IFT52: variants seen among roughly 807,000 people sequenced by gnomAD.
IFT52 encodes the protein intraflagellar transport protein 52 homolog.
In IFT52, 44 loss-of-function variants were observed where a neutral mutation model predicts 54.4. The observed-to-expected ratio is 0.81, with a 90% CI of 0.63 to 1.04. IFT52 has a LOEUF of 1.04. Among genes scored for constraint, IFT52 ranks in the 50% least tolerant of loss-of-function variants. The pLI is 0.00. For synonymous variants in IFT52, 181 were observed against 185.3 expected, an observed-to-expected ratio of 0.98 and a Z score of 0.19; for missense variants, 452 against 523.6, an observed-to-expected ratio of 0.86 and a Z score of 1.33.
In IFT52 at chr20:43,634,640, G is replaced by GT. The variant is rs376453972; in HGVS notation, c.924-1274dup. On this transcript the variant is annotated intron_variant, in intron 10 of 13. Coordinates refer to ENST00000373030, the MANE Select transcript of IFT52 (RefSeq NM_016004.5). ...TAACATTGATATTATTTTATGAGGTGTTTTTTTTTTTTAACTTTTAAGTTC... is the reference window on the plus strand; with the variant it reads ...TAACATTGATATTATTTTATGAGGTGTTTTTTTTTTTTTAACTTTTAAGTTC... Among the ~76,000 whole-genome samples, 1,202 of 143,718 alleles carry GT rather than the reference G, an allele frequency of 8.4e-3. 13 individuals carry two copies. The highest frequency in any genetic ancestry group is 0.028 in the African/African-American group (1,074 of 39,020). The allele number at this position is 143,718 out of a possible 152,430, so 94.3% of individuals were successfully genotyped here. A position where few individuals can be genotyped will look rare whatever the true frequency, so the allele number is the denominator to read the frequency against.
chr20:43,606,526 G>A lies in IFT52; in HGVS notation c.485+1453G>A, dbSNP rs1405273923. On this transcript the variant is annotated intron_variant, in intron 6 of 13. Coordinates refer to ENST00000373030, the MANE Select transcript of IFT52 (RefSeq NM_016004.5). ...TGACCTCAGGTGATCCACCTGCCTC[G>A]GCCTCCCAAAGTGCTGGGATAAGTG... Among the ~76,000 whole-genome samples, 3 of 151,656 alleles carry A rather than the reference G, an allele frequency of 2.0e-5. No individual in the cohort carries two copies. In the East Asian group the frequency reaches 5.8e-4, roughly 29 times the overall value.
chr20:43,597,607 A>G (rs1982079381), intron 3 of IFT52, among the ~76,000 whole-genome samples: 1 of 152,138 alleles, frequency 6.6e-6, no homozygotes, highest in African/African-American at 2.4e-5. Flanking sequence ...AAATTGCCAT[A>G]TGATGGCTGT....
In IFT52 at chr20:43,613,551, G is replaced by A. The variant is rs867855085; in HGVS notation, c.486-299G>A. ...AATCCCAGCACTTTGGGAGGCCAAG[G>A]TGGGCAGATCACTTGAGGCCAGGAG... On this transcript the variant is annotated intron_variant, in intron 6 of 13. Coordinates refer to ENST00000373030, the MANE Select transcript of IFT52 (RefSeq NM_016004.5). Among the ~76,000 whole-genome samples, 6 of 152,218 alleles carry A rather than the reference G, an allele frequency of 3.9e-5. No homozygotes were observed. In the South Asian group the frequency reaches 6.2e-4, roughly 16 times the overall value.
chr20:43,615,633 G>A (rs917639301), intron 7 of IFT52, among the ~76,000 whole-genome samples: 51 of 151,150 alleles, frequency 3.4e-4, no homozygotes, highest in African/African-American at 1.1e-3. Context: ...ATGAAACCCC[G>A]TCTCTACTAA....
chr20:43,626,206 C>T lies in IFT52; in HGVS notation c.923+2161C>T, dbSNP rs147219722. 8.0e-3 allele frequency among the ~76,000 whole-genome samples: 1,209 copies of T among 150,844 alleles called. 7 individuals carry two copies. The highest frequency in any genetic ancestry group is 0.013 in the Non-Finnish European group (859 of 67,848). ...GGTCAGAAGAGATCTCTGAGCTGCACATTTAATTTGGGAGTTTGGGGGCAC... is the reference window on the plus strand; with the variant it reads ...GGTCAGAAGAGATCTCTGAGCTGCATATTTAATTTGGGAGTTTGGGGGCAC... On this transcript the variant is annotated intron_variant, in intron 10 of 13. Transcript: ENST00000373030.
intron 11 of IFT52, among the ~76,000 whole-genome samples, chr20:43,636,883 C>G (rs1985571983): frequency 6.6e-6 from 1 of 152,100 alleles, no homozygotes; most frequent in Non-Finnish European, 1.5e-5. Flanking sequence ...AATAATCTTT[C>G]TTGGTATGGG....
intron 6 of IFT52, among the ~76,000 whole-genome samples, chr20:43,605,557 T>C (rs1982798581): frequency 1.3e-5 from 2 of 152,062 alleles, no homozygotes; most frequent in Non-Finnish European, 2.9e-5. Context: ...AAAAAATATA[T>C]AGTATGGTAT....
chr20:43,633,283 C>T (rs200672579), intron 10 of IFT52, among the ~76,000 whole-genome samples: 85 of 151,858 alleles, frequency 5.6e-4, no homozygotes, highest in Admixed American at 3.1e-3. Flanking sequence ...GCGGAGGTTG[C>T]GGTGAGCCGA....
intron 8 of IFT52, 22 bp from the exon 9 acceptor site, chr20:43,620,835 T>C (rs1984238143): frequency 1.3e-6 from 2 of 1,508,674 alleles, no homozygotes; most frequent in Non-Finnish European, 1.8e-6. Context: ...GTCCTAATTA[T>C]ATACTTTTTT....
In IFT52 at chr20:43,642,610, A is replaced by G; in HGVS notation, c.1252A>G (p.Lys418Glu). The change falls in exon 13 of 14, where the codon AAG (lysine) becomes GAG (glutamate). Residue 418 changes from lysine (K) to glutamate (E), a missense_variant. Transcript: ENST00000373030. ...EHVFFQVVEF[K>E]KLNQEHDIDT... ...CGTCTTCTTCCAAGTGGTGGAGTTC[A>G]AGAAATTGAACCAGGTACAGAGCCT... is the stretch of plus-strand genomic sequence containing the variant. The G allele has an allele frequency of 6.2e-7, 1 of 1,614,138 alleles. No homozygotes were observed. The highest frequency in any genetic ancestry group is 8.5e-7 in the Non-Finnish European group (1 of 1,179,990).
chr20:43,606,999 A>G (rs1037234761), intron 6 of IFT52, among the ~76,000 whole-genome samples: 3 of 152,228 alleles, frequency 2.0e-5, no homozygotes, highest in South Asian at 2.1e-4. Flanking sequence ...ACACAGACAC[A>G]GCAACCATCC....
intron 6 of IFT52, among the ~76,000 whole-genome samples, chr20:43,611,360 CTT>C (rs1983431042): frequency 6.7e-6 from 1 of 149,188 alleles, no homozygotes; most frequent in South Asian, 2.1e-4. Context: ...CTGAGCTAAT[CTT>C]ATTCATTCAC....
chr20:43,626,253 T>C (rs1171553050), intron 10 of IFT52, among the ~76,000 whole-genome samples: 1 of 151,560 alleles, frequency 6.6e-6, no homozygotes, highest in Non-Finnish European at 1.5e-5. Context: ...ATCTAAAGCA[T>C]ACATCTTTTC....
intron 6 of IFT52, among the ~76,000 whole-genome samples, chr20:43,611,441 CTTTTTTTTTTTTTTT>C (rs11469500): frequency 9.1e-5 from 5 of 55,078 alleles, no homozygotes; most frequent in Non-Finnish European, 1.2e-4. Flanking sequence ...AAATGTCAGT[CTTTTTTTTTTTTTTT>C]TTTTTTTTTT....
At position 43,637,270 on chromosome 20, in the gene IFT52, T is replaced by G; in HGVS notation, c.1120+17T>G. 7.1e-7 allele frequency: 1 copy of G among 1,404,572 alleles called. No individual in the cohort carries two copies. The highest frequency in any genetic ancestry group is 1.4e-5 in the South Asian group (1 of 73,282). 87.0% of individuals were successfully genotyped at this position (1,404,572 alleles called of 1,614,324 possible). A position where few individuals can be genotyped will look rare whatever the true frequency, so the allele number is the denominator to read the frequency against. On this transcript the variant is annotated intron_variant, in intron 12 of 13. Coordinates refer to ENST00000373030, the MANE Select transcript of IFT52 (RefSeq NM_016004.5). ...CCAATAAGTGTAAGTTTGGCGAACT[T>G]TTTTTTTTTGAGACAGAGTTTCACT... is the stretch of plus-strand genomic sequence containing the variant.
At chr20:43,591,222 C>T (rs1467994652) in intron 1 of IFT52, among the ~76,000 whole-genome samples, 168 bp downstream of exon 1, 1 of 152,214 alleles carries the variant, frequency 6.6e-6, no homozygotes, top group Non-Finnish European at 1.5e-5. Flanking sequence ...CCTGGCGCCC[C>T]GGCTGGGCGC....
intron 11 of IFT52, 107 bp downstream of exon 11, chr20:43,636,120 T>A (rs1985524528): frequency 1.0e-6 from 1 of 990,894 alleles, no homozygotes; most frequent in Non-Finnish European, 1.6e-6. Flanking sequence ...GTGGCACTCC[T>A]TGTGGAGTCA....
At chr20:43,642,676 C>T in intron 13 of IFT52, 52 bp downstream of exon 13, 1 of 1,539,790 alleles carries the variant, frequency 6.5e-7, no homozygotes, top group Non-Finnish European at 8.9e-7. Flanking sequence ...GTACTGGTAT[C>T]TTCCATGGAC....
At chr20:43,615,541 C>T (rs1414199135) in intron 7 of IFT52, among the ~76,000 whole-genome samples, 1 of 151,874 alleles carries the variant, frequency 6.6e-6, no homozygotes, top group East Asian at 1.9e-4. Flanking sequence ...TGGTGGCTCA[C>T]ACCTGCAATC....
Sources: gnomAD v4.1 joint callset for allele counts (sites outside exome capture counted in the v4.1 genomes callset) on GRCh38, gnomAD v4.1.1 for gene constraint, MANE v1.5 for transcripts, NCBI Gene and HGNC (gene_info 2026-07-23, HGNC 2026-07-21) for gene names.